DDX42: variants seen among roughly 807,000 people sequenced by gnomAD.
DDX42 encodes ATP-dependent RNA helicase DDX42.
A neutral mutation model predicts 101.5 loss-of-function variants in DDX42; 22 were observed. That is an observed-to-expected ratio of 0.22 (90% CI 0.15 to 0.31). DDX42 has a LOEUF of 0.31. Ranked by LOEUF, DDX42 falls within the 10% of genes least tolerant of loss-of-function variation. The pLI is 1.00. For synonymous variants in DDX42, 402 were observed against 401.2 expected (o/e 1.00, Z -0.02); for missense variants, 849 against 1,199.9 (o/e 0.71, Z 4.32).
chr17:63,802,533 T>C (rs1254555662), intron 6 of DDX42, among the ~76,000 whole-genome samples: 1 of 152,196 alleles, frequency 6.6e-6, no homozygotes, highest in East Asian at 1.9e-4. Flanking sequence ...TTTGGGAGGC[T>C]GAGGCGGGTA....
At chr17:63,775,364 C>T (rs932244638) in intron 1 of DDX42, among the ~76,000 whole-genome samples, 1 of 152,060 alleles carries the variant, frequency 6.6e-6, no homozygotes, top group African/African-American at 2.4e-5. Context: ...GGTGTTAGAC[C>T]CCTGCCTTTG....
In DDX42 at chr17:63,807,880, A is replaced by G. The variant is rs1598339543; in HGVS notation, c.1003A>G (p.Thr335Ala). ...DGPIAVIVCPTRELCQQIHAE... is the reference protein window; with the variant it reads ...DGPIAVIVCPARELCQQIHAE... ...ACCAATTGCAGTGATTGTGTGTCCT[A>G]CCAGGGAGCTTTGCCAGCAGGTATG... Residue 335 changes from threonine to alanine, a missense_variant, in exon 9 of 18, where the codon ACC becomes GCC. Coordinates refer to ENST00000389924, the MANE Select transcript of DDX42 (RefSeq NM_203499.3). 6.2e-7 allele frequency: 1 copy of G among 1,613,452 alleles called. No homozygotes were observed. The highest frequency in any genetic ancestry group is 8.5e-7 in the Non-Finnish European group (1 of 1,179,690).
At chr17:63,799,065 C>T (rs909265481) in intron 4 of DDX42, among the ~76,000 whole-genome samples, 4 of 152,196 alleles carry the variant, frequency 2.6e-5, no homozygotes, top group African/African-American at 7.2e-5. Context: ...ACTGTTTAAG[C>T]GTTTTATTCC....
rs542583140 is a variant in DDX42, at chr17:63,799,857, C to T, written c.471+232C>T. On this transcript the variant is annotated intron_variant, in intron 5 of 17. Coordinates refer to ENST00000389924, the MANE Select transcript of DDX42 (RefSeq NM_203499.3). The stretch of plus-strand genomic sequence containing the variant: ...TCAACTGTGACATCCAAAGCAAATA[C>T]GAGCTTTATTCAGCTTGCTTCTTTT... Among the ~76,000 whole-genome samples, 37 of 152,262 alleles carry T rather than the reference C, an allele frequency of 2.4e-4. No individual in the cohort carries two copies. In the South Asian group the frequency reaches 2.7e-3, roughly 11 times the overall value.
chr17:63,778,573 C>G (rs1685246027), intron 1 of DDX42, among the ~76,000 whole-genome samples: 1 of 152,130 alleles, frequency 6.6e-6, no homozygotes, highest in Non-Finnish European at 1.5e-5. Flanking sequence ...CAGTTACTGG[C>G]ACAAAATAGG....
intron 4 of DDX42, among the ~76,000 whole-genome samples, chr17:63,799,058 G>GT (rs549814787): frequency 2.0e-5 from 3 of 152,280 alleles, no homozygotes; most frequent in African/African-American, 7.2e-5. Flanking sequence ...CATGTGAACT[G>GT]TTTAAGCGTT....
At chr17:63,785,030 T>G (rs1440094307) in intron 1 of DDX42, among the ~76,000 whole-genome samples, 2 of 152,120 alleles carry the variant, frequency 1.3e-5, no homozygotes, top group Non-Finnish European at 2.9e-5. Flanking sequence ...ATTTTTAATT[T>G]GTGTGTATAT....
intron 4 of DDX42, among the ~76,000 whole-genome samples, chr17:63,799,329 C>A (rs748997620): frequency 2.0e-5 from 3 of 152,116 alleles, no homozygotes; most frequent in Non-Finnish European, 4.4e-5. Flanking sequence ...GTTTTTACGT[C>A]TGATATCCTT....
At chr17:63,807,954 GC>G in intron 9 of DDX42, 54 bp downstream of exon 9, 5 of 1,535,012 alleles carry the variant, frequency 3.3e-6, no homozygotes, top group Non-Finnish European at 4.4e-6. Flanking sequence ...CAAGGGACCA[GC>G]CAGTCAAGTG....
chr17:63,787,342 G>A, intron 2 of DDX42, 72 bp downstream of exon 2: 1 of 1,462,592 alleles, frequency 6.8e-7, no homozygotes, highest in Non-Finnish European at 9.3e-7. Flanking sequence ...AGAAATTGAG[G>A]CAAAGAAACT....
chr17:63,789,789 T>C (rs1598327517), intron 2 of DDX42, among the ~76,000 whole-genome samples: 1 of 151,790 alleles, frequency 6.6e-6, no homozygotes, highest in Non-Finnish European at 1.5e-5. Flanking sequence ...GCCAGGCTGG[T>C]TTCAAACTCG....
intron 6 of DDX42, among the ~76,000 whole-genome samples, chr17:63,803,750 A>G (rs2039803275): frequency 2.0e-5 from 3 of 151,378 alleles, no homozygotes; most frequent in African/African-American, 7.3e-5. Context: ...CCCGGGTTCA[A>G]GAGATTCTCC....
intron 1 of DDX42, among the ~76,000 whole-genome samples, chr17:63,785,439 G>C (rs1488880243): frequency 6.6e-6 from 1 of 150,704 alleles, no homozygotes; most frequent in Non-Finnish European, 1.5e-5. Context: ...GACAGATCAA[G>C]GCTCTGTCTC....
chr17:63,809,005 A>G, intron 10 of DDX42, 57 bp downstream of exon 10: 1 of 1,591,164 alleles, frequency 6.3e-7, no homozygotes, highest in Non-Finnish European at 8.6e-7. Context: ...GGAAAACATG[A>G]TTAGTTTTGC....
intron 11 of DDX42, 112 bp from the exon 12 acceptor site, chr17:63,810,401 A>G: frequency 2.6e-6 from 3 of 1,148,062 alleles, no homozygotes; most frequent in Non-Finnish European, 3.7e-6. Context: ...TGGGGTTTCT[A>G]ATTTTCTTAA....
intron 2 of DDX42, among the ~76,000 whole-genome samples, chr17:63,789,028 G>C (rs1234299433): frequency 6.6e-6 from 1 of 151,874 alleles, no homozygotes; most frequent in East Asian, 1.9e-4. Context: ...TCAGCCTCCT[G>C]AGTAGCTAGG....
intron 8 of DDX42, 144 bp downstream of exon 8, chr17:63,806,798 C>G: frequency 3.7e-6 from 3 of 807,182 alleles, no homozygotes; most frequent in Non-Finnish European, 5.2e-6. Context: ...CTTAAGAAGT[C>G]ACTAAATGGC....
intron 5 of DDX42, chr17:63,800,135 A>C (rs949780229): frequency 5.0e-5 from 12 of 237,944 alleles, no homozygotes; most frequent in Non-Finnish European, 9.7e-5. Flanking sequence ...GTTAACTTCC[A>C]AACTTGGATT....
At chr17:63,801,712 C>G (rs898541777) in intron 6 of DDX42, among the ~76,000 whole-genome samples, 2 of 152,086 alleles carry the variant, frequency 1.3e-5, no homozygotes, top group African/African-American at 2.4e-5. Context: ...ACCTTGGTCT[C>G]CCAAAGTGCT....
Sources: allele counts gnomAD v4.1 joint callset (sites outside exome capture counted in the v4.1 genomes callset), GRCh38; gene constraint gnomAD v4.1.1; transcripts MANE v1.5; gene names NCBI Gene and HGNC (gene_info 2026-07-23, HGNC 2026-07-21).